Variants in CSNK1D observed in about 807,000 individuals in gnomAD.
CSNK1D encodes the protein casein kinase I isoform delta.
Under a neutral mutation model 46.6 loss-of-function variants are expected in CSNK1D, and 16 were observed. That is an observed-to-expected ratio of 0.34 (90% CI 0.23 to 0.52). The LOEUF (loss-of-function observed/expected upper bound fraction) is 0.52, where lower values mean the gene tolerates loss of function less well. Ranked by LOEUF, CSNK1D falls within the 20% of genes least tolerant of loss-of-function variation. The pLI, the probability that CSNK1D is intolerant of heterozygous loss-of-function variation, is 0.95. For synonymous variants in CSNK1D, 276 were observed against 228.2 expected, an observed-to-expected ratio of 1.21 and a Z score of -1.89; for missense variants, 398 against 578.4, an observed-to-expected ratio of 0.69 and a Z score of 3.20.
intron 1 of CSNK1D, among the ~76,000 whole-genome samples, chr17:82,269,428 T>C (rs1210411651): frequency 1.3e-5 from 2 of 152,150 alleles, no homozygotes; most frequent in South Asian, 2.1e-4. Context: ...TCTCCTCTCA[T>C]GGCTGGTCAG....
chr17:82,246,284 G>GC (rs2050848670), intron 8 of CSNK1D: 1 of 1,408,594 alleles, frequency 7.1e-7, no homozygotes, highest in Admixed American at 2.5e-5. Context: ...CATGGGACAG[G>GC]CCCTCCTGAG....
At chr17:82,253,649 G>A (rs560550467) in intron 3 of CSNK1D, 32 of 354,134 alleles carry the variant, frequency 9.0e-5, no homozygotes, top group East Asian at 1.5e-4. Context: ...GAATGGAAAC[G>A]TGCTATGCTG....
At chr17:82,246,066 G>C in intron 8 of CSNK1D, 1 of 1,599,230 alleles carries the variant, frequency 6.3e-7, no homozygotes. Flanking sequence ...ACAGCTGTTG[G>C]TAAGCGTCCC....
At chr17:82,270,437 G>C (rs1335671758) in intron 1 of CSNK1D, among the ~76,000 whole-genome samples, 1 of 152,182 alleles carries the variant, frequency 6.6e-6, no homozygotes. Context: ...ACCCCACCTG[G>C]AGGATACCAA....
intron 8 of CSNK1D, chr17:82,247,521 A>G: frequency 1.0e-6 from 1 of 985,498 alleles, no homozygotes; most frequent in South Asian, 4.7e-5. Flanking sequence ...AAGTCCGGTC[A>G]GCACCCAGCA....
chr17:82,269,970 C>A (rs2051576711), intron 1 of CSNK1D, among the ~76,000 whole-genome samples: 1 of 152,270 alleles, frequency 6.6e-6, no homozygotes, highest in Non-Finnish European at 1.5e-5. Context: ...TATGGCCACA[C>A]CACATGGACA....
In CSNK1D at chr17:82,244,666, G is replaced by T. The variant is rs2050804320; in HGVS notation, c.*115C>A. The T allele has an allele frequency of 7.0e-6, 11 of 1,576,094 alleles. No homozygotes were observed. The highest frequency in any genetic ancestry group is 9.4e-6 in the Non-Finnish European group (11 of 1,166,066). On this transcript the variant is annotated 3_prime_UTR_variant, in exon 9 of 9. Coordinates refer to ENST00000314028, the MANE Select transcript of CSNK1D (RefSeq NM_001893.6). ...CGTCGCTGGGTGAGTGGCCTGGAGA[G>T]CTCCCGGTGTTAACATTTCGATCCT... is the stretch of plus-strand genomic sequence containing the variant.
chr17:82,260,571 T>C (rs917792577), intron 2 of CSNK1D, among the ~76,000 whole-genome samples: 1 of 151,166 alleles, frequency 6.6e-6, no homozygotes, highest in African/African-American at 2.4e-5. Flanking sequence ...TACTGAGTGA[T>C]GGGACTGATG....
rs775170760 is a variant in CSNK1D, at chr17:82,243,335, G to A, written c.*1446C>T. On this transcript the variant is annotated 3_prime_UTR_variant, in exon 9 of 9. Coordinates refer to ENST00000314028, the MANE Select transcript of CSNK1D (RefSeq NM_001893.6). Reference sequence around the variant, plus strand: ...TCGTCCATCGTGATGGGGTCCAGCCGAAGTGCCCACGAACACAGACTGCCC... The same window carrying A: ...TCGTCCATCGTGATGGGGTCCAGCCAAAGTGCCCACGAACACAGACTGCCC... The A allele has an allele frequency of 5.6e-5, 55 of 985,510 alleles. No individual in the cohort carries two copies. The highest frequency in any genetic ancestry group is 1.4e-4 in the African/African-American group (8 of 57,350). The allele number at this position is 985,510 out of a possible 1,614,324, so 61.0% of individuals were successfully genotyped here.
In CSNK1D at chr17:82,243,970, G is replaced by C. The variant is rs574793834; in HGVS notation, c.*811C>G. On this transcript the variant is annotated 3_prime_UTR_variant, in exon 9 of 9. Transcript: ENST00000314028. ...CCTGCCCACCTCCTGGGGAAGAAGC[G>C]CGCAGTGCTTTGCCTGGTAACACCC... 4.1e-6 allele frequency: 4 copies of C among 985,814 alleles called. No homozygotes were observed. The highest frequency in any genetic ancestry group is 4.8e-6 in the Non-Finnish European group (4 of 830,222). 61.1% of individuals were successfully genotyped at this position (985,814 alleles called of 1,614,324 possible).
At chr17:82,267,799 G>C (rs1171278886) in intron 1 of CSNK1D, among the ~76,000 whole-genome samples, 2 of 152,236 alleles carry the variant, frequency 1.3e-5, no homozygotes, top group Admixed American at 1.3e-4. Context: ...GCGCAGTGCA[G>C]CCTCGGACAG....
rs1368435652 is a variant in CSNK1D, at chr17:82,254,710, G to A, written c.336+719C>T. ...CCTCGAGACGCCAGTGAGCTGAGCC[G>A]CCGGAGCCTCGAGAAGCCAGTGAGC... On this transcript the variant is annotated intron_variant, in intron 3 of 8. Coordinates refer to ENST00000314028, the MANE Select transcript of CSNK1D (RefSeq NM_001893.6). The A allele has an allele frequency of 3.0e-3, 358 of 118,984 alleles. 4 individuals are homozygous for A. The highest frequency in any genetic ancestry group is 4.6e-3 in the Non-Finnish European group (304 of 66,720). The allele number at this position is 118,984 out of a possible 1,614,324, so 7.4% of individuals were successfully genotyped here.
intron 2 of CSNK1D, among the ~76,000 whole-genome samples, chr17:82,263,504 C>G (rs1171695884): frequency 2.6e-5 from 4 of 152,238 alleles, no homozygotes; most frequent in African/African-American, 9.6e-5. Flanking sequence ...CAACTAGGGG[C>G]AGGGGTGCTG....
intron 2 of CSNK1D, among the ~76,000 whole-genome samples, chr17:82,256,510 CAAA>C (rs766836720): frequency 3.8e-5 from 3 of 79,584 alleles, no homozygotes; most frequent in African/African-American, 8.2e-5. Flanking sequence ...AAGACCCTGT[CAAA>C]AAAAAAAAAA....
rs1247815766 is a variant in CSNK1D, at chr17:82,251,569, T to C, written c.737-42A>G. The stretch of plus-strand genomic sequence containing the variant: ...TCAAAGCTAACTCATGAAACCCAAC[T>C]GCGACTCAAGGTGTCTCTGCCAACG... On this transcript the variant is annotated intron_variant, in intron 5 of 8. Transcript: ENST00000314028. The surrounding 1 kb of genome is among the most constrained non-coding windows in gnomAD (Gnocchi z 4.5). The C allele has an allele frequency of 1.9e-6, 3 of 1,610,510 alleles. No individual in the cohort carries two copies. In the African/African-American group the frequency reaches 4.0e-5, roughly 22 times the overall value.
intron 2 of CSNK1D, among the ~76,000 whole-genome samples, chr17:82,256,151 T>G (rs1015933764): frequency 6.6e-6 from 1 of 152,116 alleles, no homozygotes; most frequent in Non-Finnish European, 1.5e-5. Flanking sequence ...AAAGACACAA[T>G]AAATCCAACA....
intron 2 of CSNK1D, among the ~76,000 whole-genome samples, chr17:82,256,767 T>A (rs1298305416): frequency 6.6e-6 from 1 of 152,008 alleles, no homozygotes; most frequent in Non-Finnish European, 1.5e-5. Flanking sequence ...TTTTCTCATA[T>A]CCACAAGAAC....
chr17:82,265,816 C>T lies in CSNK1D; in HGVS notation c.77-20G>A. 1 of 1,588,040 alleles carries T rather than the reference C, an allele frequency of 6.3e-7. No homozygotes were observed. Among genetic ancestry groups the T allele is most frequent in the Non-Finnish European group, 8.6e-7 (1 of 1,156,226 alleles). ...CCGTACCTTGGCAAAGAAAGAAAAC[C>T]ACAACAGGAATTACCTGGTATCCAC... On this transcript the variant is annotated intron_variant, in intron 1 of 8. Transcript: ENST00000314028.
rs541640183 is a variant in CSNK1D, at chr17:82,255,281, T to G, written c.336+148A>C. 140 of 948,044 alleles carry G rather than the reference T, an allele frequency of 1.5e-4. 5 individuals carry two copies. The South Asian group carries it at 1.7e-3, about 12-fold the overall frequency. 58.7% of individuals were successfully genotyped at this position (948,044 alleles called of 1,614,324 possible). Reference sequence around the variant, plus strand: ...CCGGAGCCTCGAGAAGCCAGTGAGCTGAGCCACTGCAGCCTCAAGGCTGAG... The same window carrying G: ...CCGGAGCCTCGAGAAGCCAGTGAGCGGAGCCACTGCAGCCTCAAGGCTGAG... On this transcript the variant is annotated intron_variant, in intron 3 of 8. Transcript: ENST00000314028. This position sits in a 1 kb window ranked among gnomAD's most constrained non-coding sequence, Gnocchi z 5.9.
Sources: allele counts gnomAD v4.1 joint callset (sites outside exome capture counted in the v4.1 genomes callset), GRCh38; gene constraint gnomAD v4.1.1; non-coding constraint Gnocchi (gnomAD v3.1); transcripts MANE v1.5; gene names NCBI Gene and HGNC (gene_info 2026-07-23, HGNC 2026-07-21).